The following ENO4 variants were observed in gnomAD, a reference collection of about 807,000 sequenced individuals.
The protein encoded by ENO4 is enolase 4.
In ENO4, 53 loss-of-function variants were observed where a neutral mutation model predicts 63.2. The observed-to-expected ratio is 0.84, with a 90% CI of 0.67 to 1.05. The LOEUF (loss-of-function observed/expected upper bound fraction) is 1.05. Ranked by LOEUF, ENO4 falls within the 50% of genes least tolerant of loss-of-function variation. The pLI is 0.00. For synonymous variants in ENO4, 266 were observed against 283.8 expected (o/e 0.94, Z 0.63); for missense variants, 719 against 772.0 (o/e 0.93, Z 0.81).
At chr10:116,880,014 CACTTAGCCATGA>C in intron 13 of ENO4, 28 bp downstream of exon 13, 1 of 1,479,048 alleles carries the variant, frequency 6.8e-7, no homozygotes, top group Non-Finnish European at 9.2e-7. Flanking sequence ...GCTTTGTTTC[CACTTAGCCATGA>C]ATAAGAGAAC....
At chr10:116,881,365 T>A (rs1847002585) in intron 13 of ENO4, 150 bp from the exon 14 acceptor site, 1 of 584,264 alleles carries the variant, frequency 1.7e-6, no homozygotes, top group Non-Finnish European at 3.0e-6. Context: ...TAACCAAAGA[T>A]ACGCCCAGTT....
intron 11 of ENO4, 126 bp from the exon 12 acceptor site, chr10:116,879,165 G>A: frequency 1.6e-6 from 1 of 631,602 alleles, no homozygotes; most frequent in Non-Finnish European, 2.7e-6. Flanking sequence ...AGAATCCTAG[G>A]TAGGCAAATA....
chr10:116,873,605 A>ATAC (rs1341751361), intron 9 of ENO4, among the ~76,000 whole-genome samples: 1 of 152,242 alleles, frequency 6.6e-6, no homozygotes, highest in Admixed American at 6.5e-5. Context: ...GGTTGTTAGT[A>ATAC]TATCAAAAGC....
chr10:116,849,618 A>C lies in ENO4; in HGVS notation c.52A>C (p.Lys18Gln). ...CTGTGGGACCACTAGGGAGCTGCAG[A>C]AGCTGAAGCAGCAGGCGATGGAGTA... ...RSCGTTRELQ[K>Q]LKQQAMEYYR... The change falls in exon 1 of 14, where the codon AAG (lysine) becomes CAG (glutamine). Residue 18 changes from lysine (K) to glutamine (Q), a missense_variant. By Grantham distance (53) the Lys-to-Gln change is moderately conservative (BLOSUM62 1). Transcript: ENST00000341276. The C allele has an allele frequency of 1.9e-6, 3 of 1,550,100 alleles. No individual in the cohort carries two copies. The highest frequency in any genetic ancestry group is 2.6e-6 in the Non-Finnish European group (3 of 1,146,752).
chr10:116,884,052 A>G, downstream of ENO4: 1 of 319,972 alleles, frequency 3.1e-6, no homozygotes, highest in South Asian at 2.5e-5. Flanking sequence ...ATAGCGCACA[A>G]GACTTAATTT....
chr10:116,863,886 T>C (rs1281518985), intron 7 of ENO4, among the ~76,000 whole-genome samples: 2 of 152,196 alleles, frequency 1.3e-5, no homozygotes, highest in Non-Finnish European at 2.9e-5. Context: ...GACCAGCCTG[T>C]AGAGACTCAG....
intron 10 of ENO4, among the ~76,000 whole-genome samples, chr10:116,890,345 G>A (rs1847300423): frequency 6.6e-6 from 1 of 152,172 alleles, no homozygotes; most frequent in Non-Finnish European, 1.5e-5. Flanking sequence ...TGCTTGGGCT[G>A]ACAGGGATCA....
At chr10:116,886,339 A>C (rs1179554535), downstream of ENO4, 4 of 1,552,546 alleles carry the variant, frequency 2.6e-6, no homozygotes, top group East Asian at 9.8e-5. Context: ...CTTCTGGTTT[A>C]TGGATCAGCA....
intron 12 of ENO4, among the ~76,000 whole-genome samples, 154 bp downstream of exon 12, chr10:116,879,512 T>C (rs1846936680): frequency 6.6e-6 from 1 of 152,186 alleles, no homozygotes; most frequent in African/African-American, 2.4e-5. Context: ...GAGCTAATCT[T>C]TGAACTTTTA....
chr10:116,869,664 C>T (rs1302024437), intron 8 of ENO4, among the ~76,000 whole-genome samples: 2 of 152,184 alleles, frequency 1.3e-5, no homozygotes, highest in Non-Finnish European at 2.9e-5. Context: ...GGTAAACAAG[C>T]CACCAATTCT....
intron 7 of ENO4, among the ~76,000 whole-genome samples, chr10:116,863,174 T>C (rs1421804688): frequency 1.3e-5 from 2 of 152,234 alleles, no homozygotes; most frequent in African/African-American, 4.8e-5. Context: ...GAGACTCTTG[T>C]GCCTGCATTA....
downstream of ENO4, chr10:116,886,645 T>G: frequency 6.3e-7 from 1 of 1,575,396 alleles, no homozygotes; most frequent in South Asian, 1.2e-5. Context: ...GGATTCAGAC[T>G]AACATAAAAC....
intron 10 of ENO4, among the ~76,000 whole-genome samples, chr10:116,897,294 G>T (rs189903143): frequency 6.6e-6 from 1 of 152,272 alleles, no homozygotes; most frequent in African/African-American, 2.4e-5. Flanking sequence ...TTCTGGGTTT[G>T]TGTTTTTCTA....
chr10:116,870,444 C>G (rs977190449), intron 8 of ENO4, among the ~76,000 whole-genome samples: 6 of 152,082 alleles, frequency 3.9e-5, no homozygotes, highest in Non-Finnish European at 8.8e-5. Flanking sequence ...ACTTCAAGAC[C>G]AGCCTGGGCA....
intron 10 of ENO4, among the ~76,000 whole-genome samples, chr10:116,891,499 T>A (rs964720470): frequency 1.3e-5 from 2 of 152,208 alleles, no homozygotes; most frequent in Non-Finnish European, 2.9e-5. Context: ...TTTACCGCCT[T>A]CAAGGACAGA....
intron 1 of ENO4, among the ~76,000 whole-genome samples, chr10:116,851,259 A>G (rs1846074700): frequency 6.6e-6 from 1 of 152,240 alleles, no homozygotes; most frequent in South Asian, 2.1e-4. Context: ...AAGGTGATAG[A>G]TGACTGTGTG....
In ENO4 at chr10:116,855,697, G is replaced by A. The variant is rs1846240528; in HGVS notation, c.240G>A (p.Leu80=). 1.3e-6 allele frequency: 2 copies of A among 1,536,388 alleles called. No individual in the cohort carries two copies. Among genetic ancestry groups the A allele is most frequent in the Non-Finnish European group, 1.7e-6 (2 of 1,147,016 alleles). The stretch of plus-strand genomic sequence containing the variant: ...TGGGGAAAGACGTACTAGATGGACT[G>A]GGGCTTCCAACCCTGCAAGTGGACA... ...KIVGKDVLDG[L]GLPTLQVDIF... Residue 80 remains leucine (L), a synonymous_variant, in exon 2 of 14, where the codon CTG becomes CTA. Transcript: ENST00000341276.
downstream of ENO4, chr10:116,886,109 A>G: frequency 1.8e-6 from 1 of 557,966 alleles, no homozygotes; most frequent in Non-Finnish European, 3.1e-6. Flanking sequence ...AGTAACTAGG[A>G]AAAAAACCTC....
downstream of ENO4, among the ~76,000 whole-genome samples, chr10:116,887,561 C>T (rs1847205226): frequency 2.0e-5 from 3 of 152,284 alleles, no homozygotes; most frequent in South Asian, 6.2e-4. Flanking sequence ...CTGCCCACTG[C>T]TCTACCAGCC....
Sources: gnomAD v4.1 joint callset for allele counts (sites outside exome capture counted in the v4.1 genomes callset) on GRCh38, gnomAD v4.1.1 for gene constraint, MANE v1.5 for transcripts, NCBI Gene and HGNC (gene_info 2026-07-23, HGNC 2026-07-21) for gene names.